The following CTNNA3 variants were observed in gnomAD, a reference collection of about 807,000 sequenced individuals.
CTNNA3 encodes the protein catenin alpha 3.
Under a neutral mutation model 95.7 loss-of-function variants are expected in CTNNA3, and 76 were observed. The observed-to-expected ratio is 0.79, with a 90% CI of 0.66 to 0.96. The LOEUF (loss-of-function observed/expected upper bound fraction) is 0.96. CTNNA3 is among the 40% of genes least tolerant of loss of function. The probability of loss-of-function intolerance (pLI) is 0.00; values close to 1 mark genes in which losing one functional copy is unlikely to be tolerated. For synonymous variants in CTNNA3, 431 were observed against 374.4 expected, an observed-to-expected ratio of 1.15 and a Z score of -1.74; for missense variants, 1,191 against 1,089.8, an observed-to-expected ratio of 1.09 and a Z score of -1.31.
intron 7 of CTNNA3, among the ~76,000 whole-genome samples, chr10:66,912,455 TAA>T (rs1564761400): frequency 2.0e-5 from 3 of 152,178 alleles, no homozygotes; most frequent in South Asian, 4.1e-4. Context: ...CATTAAAAAT[TAA>T]AAGTTCTTTT....
At chr10:66,431,166 C>G (rs531823041) in intron 11 of CTNNA3, among the ~76,000 whole-genome samples, 77 of 152,246 alleles carry the variant, frequency 5.1e-4, no homozygotes, top group African/African-American at 1.8e-3. Context: ...CACTGGCCAT[C>G]AGAGAAATGC....
intron 5 of CTNNA3, among the ~76,000 whole-genome samples, chr10:67,361,706 T>C (rs1842996447): frequency 6.6e-6 from 1 of 151,966 alleles, no homozygotes; most frequent in Non-Finnish European, 1.5e-5. Context: ...ACATTGCAAC[T>C]ATGGGAACTA....
At chr10:66,557,870 A>G (rs1479543064) in intron 10 of CTNNA3, among the ~76,000 whole-genome samples, 1 of 152,026 alleles carries the variant, frequency 6.6e-6, no homozygotes, top group East Asian at 1.9e-4. Context: ...CCTGTTACCA[A>G]TTTTGAGTTG....
intron 11 of CTNNA3, among the ~76,000 whole-genome samples, chr10:66,445,393 C>A (rs1432622303): frequency 6.6e-6 from 1 of 152,018 alleles, no homozygotes; most frequent in South Asian, 2.1e-4. Flanking sequence ...CCACACCACA[C>A]CTATTCCAAA....
chr10:66,479,565 G>T (rs1193719701), intron 11 of CTNNA3, among the ~76,000 whole-genome samples: 2 of 151,776 alleles, frequency 1.3e-5, no homozygotes, highest in Non-Finnish European at 2.9e-5. Flanking sequence ...TTTTTTAAAT[G>T]TCTCTACCAG....
chr10:66,897,824 T>C (rs1028814787), intron 7 of CTNNA3, among the ~76,000 whole-genome samples: 2 of 152,250 alleles, frequency 1.3e-5, no homozygotes, highest in Middle Eastern at 3.4e-3. Context: ...ATGCAAAATA[T>C]TTCTCTTTCA....
At chr10:67,531,173 T>C (rs1840313617) in intron 4 of CTNNA3, among the ~76,000 whole-genome samples, 6 of 152,150 alleles carry the variant, frequency 3.9e-5, no homozygotes, top group Admixed American at 3.9e-4. Context: ...ACAGAGTACC[T>C]ACTGGGGCAC....
chr10:66,840,323 ATC>A (rs71035189), intron 7 of CTNNA3, among the ~76,000 whole-genome samples: 2,890 of 90,484 alleles, frequency 0.032, 67 homozygotes, highest in Non-Finnish European at 0.045. Flanking sequence ...CCAAGAAGCC[ATC>A]TCTCTCTCTC....
At chr10:67,133,897 C>T (rs761155552) in intron 7 of CTNNA3, among the ~76,000 whole-genome samples, 4 of 151,998 alleles carry the variant, frequency 2.6e-5, no homozygotes, top group East Asian at 3.9e-4. Context: ...TTGCCCAGAC[C>T]GGTCTCAAAC....
intron 7 of CTNNA3, among the ~76,000 whole-genome samples, chr10:67,163,942 C>T (rs184011926): frequency 1.8e-4 from 28 of 152,000 alleles, no homozygotes; most frequent in Admixed American, 1.8e-3. Context: ...GACTTCTATA[C>T]TGAAAACTGC....
At chr10:66,827,397 A>G (rs1403373911) in intron 7 of CTNNA3, among the ~76,000 whole-genome samples, 1 of 152,102 alleles carries the variant, frequency 6.6e-6, no homozygotes. Context: ...TTCCACTCAA[A>G]TCATTAACAA....
At chr10:66,241,474 A>G (rs978856278) in intron 13 of CTNNA3, among the ~76,000 whole-genome samples, 6 of 152,230 alleles carry the variant, frequency 3.9e-5, no homozygotes, top group African/African-American at 9.6e-5. Flanking sequence ...GTCTTACAAC[A>G]TATCTTTGAG....
At chr10:66,050,217 G>T (rs1429019848) in intron 15 of CTNNA3, among the ~76,000 whole-genome samples, 1 of 151,646 alleles carries the variant, frequency 6.6e-6, no homozygotes, top group Non-Finnish European at 1.5e-5. Flanking sequence ...AACCCTAGCT[G>T]CTCTTTTCAA....
intron 5 of CTNNA3, among the ~76,000 whole-genome samples, chr10:67,234,123 A>C (rs1349335865): frequency 1.3e-5 from 2 of 152,198 alleles, no homozygotes; most frequent in East Asian, 3.8e-4. Flanking sequence ...AAACTATTCC[A>C]ATCAATAGAA....
intron 16 of CTNNA3, among the ~76,000 whole-genome samples, chr10:65,974,981 T>G (rs1161109677): frequency 6.6e-6 from 1 of 152,200 alleles, no homozygotes. Context: ...AAACCTTTCA[T>G]GCATTTCTGC....
intron 7 of CTNNA3, among the ~76,000 whole-genome samples, chr10:66,797,557 T>A (rs1841255656): frequency 6.6e-6 from 1 of 151,982 alleles, no homozygotes; most frequent in African/African-American, 2.4e-5. Context: ...TTTCCCTAGG[T>A]GAAGGTTGAA....
rs181644085 is a variant in CTNNA3 at position 66,443,793 on chromosome 10, C to T, written c.1532-64441G>A. Among the ~76,000 whole-genome samples the T allele has an allele frequency of 3.0e-3, 464 of 152,238 alleles. 2 individuals carry two copies. The highest frequency in any genetic ancestry group is 0.011 in the African/African-American group (446 of 41,530). ...TCTCCTCCTCCAAAGGAACACAGCT[C>T]CTCACCAGCAACGGAACAAAGCTGG... On this transcript the variant is annotated intron_variant, in intron 11 of 17. Transcript: ENST00000433211.
chr10:67,727,103 T>C (rs1331800578), intron 1 of CTNNA3, among the ~76,000 whole-genome samples: 2 of 121,236 alleles, frequency 1.6e-5, no homozygotes, highest in African/African-American at 3.3e-5. Context: ...ATATATAATA[T>C]ATGATACATA....
chr10:67,248,497 C>T (rs1343390092), intron 5 of CTNNA3, among the ~76,000 whole-genome samples: 1 of 152,120 alleles, frequency 6.6e-6, no homozygotes, highest in Non-Finnish European at 1.5e-5. Context: ...CTCACTGTAG[C>T]CTGGACCTCC....
Sources: allele counts gnomAD v4.1 joint callset (sites outside exome capture counted in the v4.1 genomes callset), GRCh38; gene constraint gnomAD v4.1.1; transcripts MANE v1.5; gene names NCBI Gene and HGNC (gene_info 2026-07-23, HGNC 2026-07-21).